The following CCDC102B variants were observed in gnomAD, a reference collection of about 807,000 sequenced individuals.
CCDC102B encodes coiled-coil domain containing 102B.
In CCDC102B, 75 loss-of-function variants were observed where a neutral mutation model predicts 57.4. That is an observed-to-expected ratio of 1.31 (90% CI 1.08 to 1.58). The LOEUF is 1.58. Among genes scored for constraint, CCDC102B ranks in the 40% most tolerant of loss-of-function variants. CCDC102B has a pLI of 0.00. For missense variants in CCDC102B, 636 were observed against 582.6 expected, an observed-to-expected ratio of 1.09 and a Z score of -0.94; for synonymous variants, 206 against 201.9, an observed-to-expected ratio of 1.02 and a Z score of -0.17.
intron 2 of CCDC102B, among the ~76,000 whole-genome samples, chr18:68,779,980 T>C (rs1638454218): frequency 6.6e-6 from 1 of 152,090 alleles, no homozygotes; most frequent in Non-Finnish European, 1.5e-5. Context: ...TAAAATAAAA[T>C]TAAGAAAGAA....
At chr18:68,833,266 G>C (rs1301681598) in intron 1 of CCDC102B, among the ~76,000 whole-genome samples, 1 of 151,912 alleles carries the variant, frequency 6.6e-6, no homozygotes, top group Non-Finnish European at 1.5e-5. Context: ...TTAAGACGGG[G>C]ATAATAATAG....
chr18:68,840,061 A>G (rs1293297390), intron 3 of CCDC102B, among the ~76,000 whole-genome samples: 1 of 152,212 alleles, frequency 6.6e-6, no homozygotes, highest in Non-Finnish European at 1.5e-5. Context: ...GAGAATAGTA[A>G]TATGAAATGT....
chr18:69,015,847 A>ATTTTTT (rs1203112295), intron 7 of CCDC102B, among the ~76,000 whole-genome samples: 2 of 151,740 alleles, frequency 1.3e-5, no homozygotes, highest in Non-Finnish European at 2.9e-5. Context: ...ATAATGGCAC[A>ATTTTTT]TTTTTTTATT....
chr18:69,038,647 C>T (rs73453763), intron 7 of CCDC102B, among the ~76,000 whole-genome samples: 4,948 of 151,936 alleles, frequency 0.033, 280 homozygotes, highest in African/African-American at 0.11. Context: ...TCCTTCCAAC[C>T]ATGTCTATTA....
At chr18:68,784,575 C>G (rs181513375) in intron 2 of CCDC102B, among the ~76,000 whole-genome samples, 1 of 152,024 alleles carries the variant, frequency 6.6e-6, no homozygotes, top group African/African-American at 2.4e-5. Flanking sequence ...AAATTCATAC[C>G]TTATAATAAA....
intron 6 of CCDC102B, among the ~76,000 whole-genome samples, chr18:68,961,837 C>T (rs187792960): frequency 6.6e-6 from 1 of 152,184 alleles, no homozygotes; most frequent in African/African-American, 2.4e-5. Flanking sequence ...TACCAACTAA[C>T]ATAGCAGTTC....
intron 5 of CCDC102B, among the ~76,000 whole-genome samples, chr18:68,875,564 C>A (rs901569820): frequency 6.6e-6 from 1 of 151,982 alleles, no homozygotes; most frequent in African/African-American, 2.4e-5. Context: ...GGTTTTCTTC[C>A]TTATATAACT....
At chr18:68,740,868 G>T (rs1467791335) in intron 2 of CCDC102B, among the ~76,000 whole-genome samples, 4 of 152,184 alleles carry the variant, frequency 2.6e-5, no homozygotes, top group Non-Finnish European at 5.9e-5. Flanking sequence ...AAGTAACACT[G>T]AATTCTATTT....
At chr18:68,957,116 A>T (rs2049921395) in intron 6 of CCDC102B, among the ~76,000 whole-genome samples, 1 of 151,986 alleles carries the variant, frequency 6.6e-6, no homozygotes, top group African/African-American at 2.4e-5. Flanking sequence ...TTTACCGTGC[A>T]GAAGTTTTTT....
At chr18:69,007,534 G>T (rs4531840) in intron 6 of CCDC102B, among the ~76,000 whole-genome samples, 1 of 152,164 alleles carries the variant, frequency 6.6e-6, no homozygotes, top group Admixed American at 6.5e-5. Context: ...AAGCTTATTA[G>T]AATTGGCTTA....
chr18:68,856,975 G>A (rs536182346), intron 4 of CCDC102B, among the ~76,000 whole-genome samples: 9 of 139,354 alleles, frequency 6.5e-5, no homozygotes, highest in African/African-American at 1.6e-4. Flanking sequence ...CACATATACA[G>A]TATATATAAT....
intron 1 of CCDC102B, among the ~76,000 whole-genome samples, chr18:68,801,292 T>C (rs2035842851): frequency 1.3e-5 from 2 of 152,168 alleles, no homozygotes; most frequent in African/African-American, 4.8e-5. Context: ...TTGTAGATGC[T>C]CAATGGAGAT....
At chr18:68,845,721 A>G (rs968223523) in intron 3 of CCDC102B, among the ~76,000 whole-genome samples, 17 of 151,896 alleles carry the variant, frequency 1.1e-4, no homozygotes, top group African/African-American at 4.1e-4. Context: ...CTAAGTTTTT[A>G]TCCTAGTTCT....
downstream of CCDC102B, among the ~76,000 whole-genome samples, chr18:69,055,891 C>T (rs2052807945): frequency 6.6e-6 from 1 of 152,066 alleles, no homozygotes; most frequent in African/African-American, 2.4e-5. Context: ...TTTATACTCT[C>T]ACATTATATC....
intron 6 of CCDC102B, among the ~76,000 whole-genome samples, chr18:68,972,599 G>A (rs868648950): frequency 6.6e-6 from 1 of 152,036 alleles, no homozygotes; most frequent in Non-Finnish European, 1.5e-5. Context: ...CTTATACCAG[G>A]TTCTCAATAA....
chr18:68,953,316 C>T (rs1426201465), intron 6 of CCDC102B, among the ~76,000 whole-genome samples: 1 of 148,506 alleles, frequency 6.7e-6, no homozygotes, highest in African/African-American at 2.5e-5. Context: ...CAAAAATATA[C>T]AAAGGTTCCA....
intron 6 of CCDC102B, among the ~76,000 whole-genome samples, chr18:68,909,784 G>T (rs550890207): frequency 6.6e-6 from 1 of 152,242 alleles, no homozygotes; most frequent in African/African-American, 2.4e-5. Flanking sequence ...AATGCAGCAG[G>T]ATCAGATCAC....
At position 68,931,954 on chromosome 18, in the gene CCDC102B, G is replaced by A. The variant is rs1486570121; in HGVS notation, c.1263+34526G>A. ...ATTCATAGATGTGTATGTACACAAA[G>A]TGGGTATTCTATACACAAACTGTAT... On this transcript the variant is annotated intron_variant, in intron 6 of 7. Transcript: ENST00000360242. Among the ~76,000 whole-genome samples the A allele has an allele frequency of 2.0e-5, 3 of 150,186 alleles. No homozygotes were observed. In the Admixed American group the frequency reaches 2.0e-4, roughly 10 times the overall value.
At chr18:68,896,917 G>A (rs2040262713) in intron 5 of CCDC102B, among the ~76,000 whole-genome samples, 1 of 151,972 alleles carries the variant, frequency 6.6e-6, no homozygotes, top group Admixed American at 6.6e-5. Flanking sequence ...AGTTGAGAGT[G>A]GAGATTAATG....
Sources: gnomAD v4.1 joint callset for allele counts (sites outside exome capture counted in the v4.1 genomes callset) on GRCh38, gnomAD v4.1.1 for gene constraint, MANE v1.5 for transcripts, NCBI Gene and HGNC (gene_info 2026-07-23, HGNC 2026-07-21) for gene names.